CLEC16A: variants seen among roughly 807,000 people sequenced by gnomAD.
CLEC16A encodes the protein protein CLEC16A.
A neutral mutation model predicts 109.5 loss-of-function variants in CLEC16A; 51 were observed. That is an observed-to-expected ratio of 0.47 (90% CI 0.37 to 0.59). The LOEUF (loss-of-function observed/expected upper bound fraction) is 0.59, where lower values mean the gene tolerates loss of function less well. Among genes scored for constraint, CLEC16A ranks in the 20% least tolerant of loss-of-function variants. The pLI is 0.00. For synonymous variants in CLEC16A, 673 were observed against 564.2 expected, an observed-to-expected ratio of 1.19 and a Z score of -2.73; for missense variants, 1,339 against 1,394.0, an observed-to-expected ratio of 0.96 and a Z score of 0.63.
At chr16:11,032,126 C>G (rs897519420) in intron 13 of CLEC16A, among the ~76,000 whole-genome samples, 3 of 152,170 alleles carry the variant, frequency 2.0e-5, no homozygotes, top group African/African-American at 7.2e-5. Context: ...GACCCGTTTC[C>G]TGAGGACACC....
chr16:11,094,204 C>G (rs1456237409), intron 19 of CLEC16A, among the ~76,000 whole-genome samples: 1 of 152,190 alleles, frequency 6.6e-6, no homozygotes, highest in East Asian at 1.9e-4. Flanking sequence ...TAATGAACCA[C>G]CTTGCTGTGT....
intron 22 of CLEC16A, chr16:11,126,737 C>A: frequency 6.2e-6 from 1 of 161,158 alleles, no homozygotes; most frequent in Admixed American, 6.2e-5. Flanking sequence ...ACCGAGTTCT[C>A]CCCTTCCTGT....
rs530640815 is a variant in CLEC16A at position 11,009,826 on chromosome 16, T to C, written c.1303+6521T>C. Among the ~76,000 whole-genome samples, 20 of 152,228 alleles carry C rather than the reference T, an allele frequency of 1.3e-4. No individual in the cohort carries two copies. In the South Asian group the frequency reaches 4.1e-3, roughly 32 times the overall value. On this transcript the variant is annotated intron_variant, in intron 11 of 23. Transcript: ENST00000409790. ...TAAGTATTTCTACCACTGCAGAATA[T>C]AGAGATGGTTTTAGATGGTACAGGG...
At chr16:10,970,071 A>G (rs1382961323) in intron 4 of CLEC16A, among the ~76,000 whole-genome samples, 1 of 152,198 alleles carries the variant, frequency 6.6e-6, no homozygotes, top group Non-Finnish European at 1.5e-5. Context: ...GGTTTGAACA[A>G]TAGGGTCAAT....
chr16:11,095,770 C>T (rs1567311127), intron 19 of CLEC16A, among the ~76,000 whole-genome samples: 1 of 149,026 alleles, frequency 6.7e-6, no homozygotes, highest in East Asian at 2.0e-4. Flanking sequence ...CGAGATCGTA[C>T]CGCTGCACTC....
intron 19 of CLEC16A, among the ~76,000 whole-genome samples, chr16:11,061,646 C>T (rs575709733): frequency 2.0e-5 from 3 of 152,320 alleles, no homozygotes; most frequent in Admixed American, 2.0e-4. Flanking sequence ...CCATTTGCTA[C>T]AGGGCACAGG....
chr16:11,067,534 G>A (rs1273279641), intron 19 of CLEC16A, among the ~76,000 whole-genome samples: 1 of 152,174 alleles, frequency 6.6e-6, no homozygotes, highest in Non-Finnish European at 1.5e-5. Context: ...GGAGGGTGAA[G>A]GTGGTTGGCA....
At chr16:11,024,347 G>A (rs1026153066) in intron 12 of CLEC16A, 1 of 156,132 alleles carries the variant, frequency 6.4e-6, no homozygotes, top group African/African-American at 2.4e-5. Flanking sequence ...AGAAGAGGCA[G>A]AATCAGAATT....
rs1168394428 is a variant in CLEC16A, at chr16:11,178,438, G to A, written c.2910G>A (p.Arg970=). The A allele has an allele frequency of 6.2e-7, 1 of 1,613,584 alleles. No homozygotes were observed. Among genetic ancestry groups the A allele is most frequent in the Admixed American group, 1.7e-5 (1 of 60,032 alleles). Residue 970 remains arginine, a synonymous_variant, in exon 24 of 24, where the codon AGG becomes AGA. Coordinates refer to ENST00000409790, the MANE Select transcript of CLEC16A (RefSeq NM_015226.3). The surrounding 1 kb of genome is among the most constrained non-coding windows in gnomAD (Gnocchi z 6.5). The part of the protein sequence containing the change: ...ADSKPSKNVA[R]SAAVETASLS... ...CTAAGCCCAGCAAGAACGTGGCCAG[G>A]AGCGCAGCCGTGGAGACAGCCAGCC... is the stretch of plus-strand genomic sequence containing the variant.
At chr16:11,018,633 C>T (rs528848278) in intron 11 of CLEC16A, among the ~76,000 whole-genome samples, 2 of 151,686 alleles carry the variant, frequency 1.3e-5, no homozygotes, top group African/African-American at 2.4e-5. Flanking sequence ...CCTGTAGTCC[C>T]AGCTACTCAG....
intron 1 of CLEC16A, among the ~76,000 whole-genome samples, chr16:10,955,374 G>T (rs1274725800): frequency 6.6e-6 from 1 of 152,204 alleles, no homozygotes; most frequent in Non-Finnish European, 1.5e-5. Context: ...TGCTGACCTT[G>T]AGGAGCTCAG....
intron 22 of CLEC16A, among the ~76,000 whole-genome samples, chr16:11,137,564 G>A (rs1390190583): frequency 1.3e-5 from 2 of 148,316 alleles, no homozygotes; most frequent in Non-Finnish European, 3.0e-5. Context: ...CAGACTAGCT[G>A]GGTGACAGAG....
At chr16:11,138,690 G>T (rs9923175) in intron 22 of CLEC16A, among the ~76,000 whole-genome samples, 73,831 of 152,036 alleles carry the variant, frequency 0.49, 19,948 homozygotes, top group African/African-American at 0.74. Flanking sequence ...TATATTGCTT[G>T]TTTCAAAAAA....
At chr16:11,089,761 A>C (rs2050202108) in intron 19 of CLEC16A, among the ~76,000 whole-genome samples, 1 of 152,226 alleles carries the variant, frequency 6.6e-6, no homozygotes, top group African/African-American at 2.4e-5. Flanking sequence ...TGGCATCTGT[A>C]AGAATGATAG....
chr16:11,060,058 C>T (rs1471292776), intron 18 of CLEC16A, among the ~76,000 whole-genome samples: 1 of 152,230 alleles, frequency 6.6e-6, no homozygotes, highest in Non-Finnish European at 1.5e-5. Context: ...AGGCTGCTTT[C>T]TGCACACACG....
chr16:11,159,311 T>A (rs1030054335), intron 22 of CLEC16A, among the ~76,000 whole-genome samples: 1 of 152,208 alleles, frequency 6.6e-6, no homozygotes, highest in African/African-American at 2.4e-5. Flanking sequence ...TTTCTCAGTG[T>A]GCGTGTGTCT....
At chr16:11,041,164 G>C (rs1281696932) in intron 14 of CLEC16A, 1 of 152,214 alleles carries the variant, frequency 6.6e-6, no homozygotes, top group African/African-American at 2.4e-5. Flanking sequence ...CCAGCTATGA[G>C]ACCTAGGACA....
At chr16:11,175,781 T>C (rs1360879214) in intron 23 of CLEC16A, among the ~76,000 whole-genome samples, 1 of 152,252 alleles carries the variant, frequency 6.6e-6, no homozygotes, top group African/African-American at 2.4e-5. Flanking sequence ...CTCTTTTTGA[T>C]ATATTTGCCT....
In CLEC16A at chr16:11,104,968, A is replaced by G. The variant is rs1198862899; in HGVS notation, c.2117-15647A>G. ...CTGCTGGGCTGCTGAACAGCGGGGAAGAGGAGCTGTGTGAACCTAGATTCC... is the reference window on the plus strand; with the variant it reads ...CTGCTGGGCTGCTGAACAGCGGGGAGGAGGAGCTGTGTGAACCTAGATTCC... On this transcript the variant is annotated intron_variant, in intron 19 of 23. Transcript: ENST00000409790. 2.0e-5 allele frequency among the ~76,000 whole-genome samples: 3 copies of G among 152,218 alleles called. No individual in the cohort carries two copies. The East Asian group carries it at 5.8e-4, about 29-fold the overall frequency.
Sources: allele counts gnomAD v4.1 joint callset (sites outside exome capture counted in the v4.1 genomes callset), GRCh38; gene constraint gnomAD v4.1.1; non-coding constraint Gnocchi (gnomAD v3.1); transcripts MANE v1.5; gene names NCBI Gene and HGNC (gene_info 2026-07-23, HGNC 2026-07-21).